Variants in SLC30A9 observed in about 807,000 individuals in gnomAD.
SLC30A9 encodes the protein solute carrier family 30 member 9, also known as proton-coupled zinc antiporter SLC30A9, mitochondrial.
SLC30A9 carries 58 observed loss-of-function variants against 87.5 expected under a neutral mutation model. The ratio of observed to expected loss-of-function variants is 0.66; its 90% CI spans 0.54 to 0.82. SLC30A9 has a LOEUF of 0.82. Among genes scored for constraint, SLC30A9 ranks in the 40% least tolerant of loss-of-function variants. The probability of loss-of-function intolerance (pLI) is 0.00; values close to 1 mark genes in which losing one functional copy is unlikely to be tolerated. For missense variants in SLC30A9, 557 were observed against 679.1 expected (o/e 0.82, Z 2.00); for synonymous variants, 234 against 233.0 (o/e 1.00, Z -0.04).
At chr4:42,040,855 A>C (rs911205275) in intron 8 of SLC30A9, among the ~76,000 whole-genome samples, 1 of 150,852 alleles carries the variant, frequency 6.6e-6, no homozygotes, top group African/African-American at 2.4e-5. Flanking sequence ...GAGGAGATTG[A>C]GGAGGAGTAA....
chr4:42,052,403 C>T (rs1717414794), intron 9 of SLC30A9, among the ~76,000 whole-genome samples: 1 of 152,166 alleles, frequency 6.6e-6, no homozygotes, highest in Non-Finnish European at 1.5e-5. Flanking sequence ...AATTGACAAA[C>T]CGAATAAATT....
intron 8 of SLC30A9, among the ~76,000 whole-genome samples, chr4:42,045,019 C>A (rs1239919538): frequency 6.6e-6 from 1 of 152,090 alleles, no homozygotes; most frequent in East Asian, 1.9e-4. Flanking sequence ...CCAATGAGAA[C>A]AAAGACACAG....
chr4:42,035,460 C>A, intron 7 of SLC30A9, 127 bp downstream of exon 7: 1 of 1,006,514 alleles, frequency 9.9e-7, no homozygotes, highest in Non-Finnish European at 1.4e-6. Context: ...TTGTAGTTCA[C>A]TGAATTATAG....
intron 9 of SLC30A9, among the ~76,000 whole-genome samples, chr4:42,059,990 A>G (rs1717777967): frequency 1.3e-5 from 2 of 152,096 alleles, no homozygotes. Context: ...TCATCTTTAT[A>G]AACAATGGTG....
intron 1 of SLC30A9, among the ~76,000 whole-genome samples, chr4:41,992,016 T>C (rs190060108): frequency 6.6e-6 from 1 of 152,186 alleles, no homozygotes; most frequent in African/African-American, 2.4e-5. Context: ...ATTGGCAATA[T>C]ACTGCCAGGT....
intron 11 of SLC30A9, 80 bp downstream of exon 11, chr4:42,063,201 G>A: frequency 3.8e-6 from 5 of 1,299,328 alleles, no homozygotes; most frequent in Non-Finnish European, 5.4e-6. Flanking sequence ...TGTCATATTG[G>A]TGTTAAAGGA....
chr4:41,994,080 C>G (rs1411670817), intron 1 of SLC30A9, among the ~76,000 whole-genome samples: 1 of 151,986 alleles, frequency 6.6e-6, no homozygotes, highest in Non-Finnish European at 1.5e-5. Context: ...TCACTTGAAC[C>G]CAGGAGGTGG....
intron 9 of SLC30A9, among the ~76,000 whole-genome samples, chr4:42,055,395 C>G (rs1210871301): frequency 6.8e-6 from 1 of 147,160 alleles, no homozygotes; most frequent in Non-Finnish European, 1.5e-5. Flanking sequence ...TTATTTATTA[C>G]TTATTTTTTG....
chr4:42,017,163 A>G (rs922609916), intron 2 of SLC30A9, among the ~76,000 whole-genome samples: 1 of 151,976 alleles, frequency 6.6e-6, no homozygotes, highest in African/African-American at 2.4e-5. Flanking sequence ...TTATGATTTC[A>G]TTTGGATTCT....
intron 10 of SLC30A9, among the ~76,000 whole-genome samples, chr4:42,062,427 G>T (rs1019808692): frequency 1.3e-5 from 2 of 152,022 alleles, no homozygotes; most frequent in Non-Finnish European, 2.9e-5. Flanking sequence ...AAATAATTGA[G>T]ATTTTAGCAC....
chr4:42,049,376 G>A lies in SLC30A9; in HGVS notation c.738-1G>A. ...TAAATTGTTTTCTCTTTCTCTTCTA[G>A]CAATGGATTAAACTGCTTCTTTAAA... On this transcript the variant is annotated splice_acceptor_variant, in intron 8 of 17. Coordinates refer to ENST00000264451, the MANE Select transcript of SLC30A9 (RefSeq NM_006345.4). LOFTEE classifies it high-confidence loss of function. The A allele has an allele frequency of 1.3e-6, 2 of 1,590,838 alleles. No homozygotes were observed. Among genetic ancestry groups the A allele is most frequent in the Non-Finnish European group, 1.7e-6 (2 of 1,165,478 alleles).
chr4:42,009,532 A>G (rs1018002276), intron 2 of SLC30A9, among the ~76,000 whole-genome samples: 5 of 152,234 alleles, frequency 3.3e-5, no homozygotes, highest in African/African-American at 1.2e-4. Flanking sequence ...TGAGCTTAAA[A>G]CAAATGTCTA....
chr4:42,054,182 C>T (rs576949341), intron 9 of SLC30A9, among the ~76,000 whole-genome samples: 11 of 152,088 alleles, frequency 7.2e-5, no homozygotes, highest in African/African-American at 1.9e-4. Flanking sequence ...CGGTGAAACC[C>T]GCATCTCTAC....
At chr4:41,993,909 C>T (rs1714571201) in intron 1 of SLC30A9, among the ~76,000 whole-genome samples, 1 of 152,140 alleles carries the variant, frequency 6.6e-6, no homozygotes, top group African/African-American at 2.4e-5. Flanking sequence ...GTAATCCCAA[C>T]ACTTTGGGAG....
chr4:41,997,232 G>A (rs1340799426), intron 1 of SLC30A9, among the ~76,000 whole-genome samples: 5 of 151,646 alleles, frequency 3.3e-5, no homozygotes. Flanking sequence ...CTTCTAGACT[G>A]AGCTACTCCA....
intron 14 of SLC30A9, among the ~76,000 whole-genome samples, chr4:42,068,563 G>T (rs533542452): frequency 3.7e-4 from 57 of 152,288 alleles, no homozygotes; most frequent in Non-Finnish European, 7.4e-4. Flanking sequence ...ACTCTTGTTT[G>T]TATCAGTTAG....
chr4:42,060,748 C>T (rs1717810193), intron 10 of SLC30A9, among the ~76,000 whole-genome samples: 1 of 152,004 alleles, frequency 6.6e-6, no homozygotes. Context: ...TTATTTGATA[C>T]AGAGATTTTT....
intron 10 of SLC30A9, among the ~76,000 whole-genome samples, chr4:42,060,574 C>T (rs1717804000): frequency 6.6e-6 from 1 of 152,152 alleles, no homozygotes; most frequent in Non-Finnish European, 1.5e-5. Flanking sequence ...TAGATTTAGA[C>T]TCATAGGCTG....
chr4:42,025,185 A>G (rs1461296377), intron 6 of SLC30A9, among the ~76,000 whole-genome samples: 1 of 152,244 alleles, frequency 6.6e-6, no homozygotes, highest in Non-Finnish European at 1.5e-5. Flanking sequence ...AGGTCCAGAC[A>G]TTATATCATT....
Sources: gnomAD v4.1 joint callset for allele counts (sites outside exome capture counted in the v4.1 genomes callset) on GRCh38, gnomAD v4.1.1 for gene constraint, MANE v1.5 for transcripts, NCBI Gene and HGNC (gene_info 2026-07-23, HGNC 2026-07-21) for gene names.